The following NAV2 variants were observed in gnomAD, a reference collection of about 807,000 sequenced individuals.
NAV2 encodes neuron navigator 2.
Under a neutral mutation model 223.2 loss-of-function variants are expected in NAV2, and 54 were observed. That is an observed-to-expected ratio of 0.24 (90% CI 0.19 to 0.30). The LOEUF is 0.30. NAV2 is among the 10% of genes least tolerant of loss of function. The pLI, the probability that NAV2 is intolerant of heterozygous loss-of-function variation, is 1.00. For missense variants in NAV2, 2,806 were observed against 3,147.5 expected, an observed-to-expected ratio of 0.89 and a Z score of 2.60; for synonymous variants, 1,279 against 1,239.3, an observed-to-expected ratio of 1.03 and a Z score of -0.67.
chr11:19,691,811 C>T lies in NAV2; in HGVS notation c.76-140673C>T, dbSNP rs141147504. On this transcript the variant is annotated intron_variant, in intron 1 of 37. Transcript: ENST00000360655. ...GCAAAGAAGCCCAAAATCCACCTTACGTCATTCATTTCCTGACCACACTAG... is the reference window on the plus strand; with the variant it reads ...GCAAAGAAGCCCAAAATCCACCTTATGTCATTCATTTCCTGACCACACTAG... Among the ~76,000 whole-genome samples the T allele has an allele frequency of 9.1e-4, 138 of 152,312 alleles. 3 individuals carry two copies. The highest frequency in any genetic ancestry group is 2.7e-3 in the Admixed American group (41 of 15,292).
chr11:19,660,405 G>A (rs922728559), intron 1 of NAV2, among the ~76,000 whole-genome samples: 1 of 152,144 alleles, frequency 6.6e-6, no homozygotes, highest in African/African-American at 2.4e-5. Context: ...GGACATTAGG[G>A]TTCATACGTT....
At chr11:19,958,822 AT>A (rs2048115453) in intron 10 of NAV2, among the ~76,000 whole-genome samples, 5 of 152,188 alleles carry the variant, frequency 3.3e-5, no homozygotes, top group African/African-American at 1.2e-4. Context: ...TCATGTTATT[AT>A]GAGGTTGGTG....
At chr11:19,597,053 A>C (rs2046224547) in intron 1 of NAV2, among the ~76,000 whole-genome samples, 1 of 152,166 alleles carries the variant, frequency 6.6e-6, no homozygotes, top group African/African-American at 2.4e-5. Context: ...ATGTGACTCC[A>C]AGTTTTTCCT....
chr11:19,835,349 ACT>A (rs2060171970), intron 2 of NAV2, among the ~76,000 whole-genome samples: 2 of 152,074 alleles, frequency 1.3e-5, no homozygotes, highest in South Asian at 4.1e-4. Context: ...TCAGCATGTG[ACT>A]CTCTCGCCAG....
At chr11:19,643,983 C>T (rs1182316788) in intron 1 of NAV2, among the ~76,000 whole-genome samples, 2 of 152,178 alleles carry the variant, frequency 1.3e-5, no homozygotes, top group African/African-American at 4.8e-5. Flanking sequence ...TAATCATCTC[C>T]ATGTAGATAA....
intron 1 of NAV2, among the ~76,000 whole-genome samples, chr11:19,823,483 C>T (rs1045927584): frequency 2.6e-5 from 4 of 152,176 alleles, no homozygotes; most frequent in African/African-American, 7.2e-5. Context: ...GTTGGATTTA[C>T]AGGCGTGAGC....
intron 5 of NAV2, among the ~76,000 whole-genome samples, chr11:19,887,683 T>G (rs527506482): frequency 6.6e-6 from 1 of 152,112 alleles, no homozygotes; most frequent in Non-Finnish European, 1.5e-5. Context: ...CTCTAGAAAG[T>G]CCCACAGAAT....
At chr11:19,368,388 G>A (rs1054794839) in intron 1 of NAV2, among the ~76,000 whole-genome samples, 2 of 152,258 alleles carry the variant, frequency 1.3e-5, no homozygotes, top group South Asian at 2.1e-4. Flanking sequence ...GTGAAGTGAG[G>A]AAAACTGATG....
intron 10 of NAV2, among the ~76,000 whole-genome samples, chr11:19,964,716 G>A (rs1401074711): frequency 1.3e-5 from 2 of 150,486 alleles, no homozygotes; most frequent in African/African-American, 4.9e-5. Context: ...GTCCAGGCTG[G>A]TCTCAAACTC....
At chr11:19,606,928 C>A (rs1418504929) in intron 1 of NAV2, among the ~76,000 whole-genome samples, 1 of 152,206 alleles carries the variant, frequency 6.6e-6, no homozygotes, top group Admixed American at 6.5e-5. Flanking sequence ...TCACAATCTG[C>A]ATTTTAACAG....
At chr11:19,856,223 G>A (rs887732200) in intron 3 of NAV2, among the ~76,000 whole-genome samples, 1 of 152,206 alleles carries the variant, frequency 6.6e-6, no homozygotes, top group Non-Finnish European at 1.5e-5. Context: ...GGGATGTCCT[G>A]TAATGGAATC....
At chr11:20,080,018 AG>A in intron 24 of NAV2, 45 bp from the exon 25 acceptor site, 1 of 1,602,718 alleles carries the variant, frequency 6.2e-7, no homozygotes, top group Non-Finnish European at 8.5e-7. Flanking sequence ...GATAAAGAAT[AG>A]GGCTCAGGTT....
intron 1 of NAV2, among the ~76,000 whole-genome samples, chr11:19,549,509 A>G (rs557200991): frequency 1.4e-3 from 208 of 152,316 alleles, no homozygotes; most frequent in African/African-American, 4.9e-3. Context: ...GAGATAGTAG[A>G]TGCCCCTGAC....
chr11:19,669,622 C>T (rs1269257220), intron 1 of NAV2, among the ~76,000 whole-genome samples: 3 of 152,236 alleles, frequency 2.0e-5, no homozygotes, highest in Non-Finnish European at 2.9e-5. Flanking sequence ...CCTCTCCTTC[C>T]ACCGCCAGTG....
intron 12 of NAV2, among the ~76,000 whole-genome samples, chr11:20,042,968 G>T (rs1348678049): frequency 6.6e-6 from 1 of 152,152 alleles, no homozygotes. Context: ...TTTATGGCCA[G>T]CAGGTCAGGG....
In NAV2 at chr11:19,892,600, T is replaced by C; in HGVS notation, c.931+6T>C. On this transcript the variant is annotated splice_donor_region_variant and intron_variant, in intron 6 of 37. Transcript: ENST00000349880. ...GCCAAGCAGCCACGAGAAAGGTGAG[T>C]CACCTTCTTGAGGAGCCTTTTTGGT... 1 of 1,612,564 alleles carries C rather than the reference T, an allele frequency of 6.2e-7. No homozygotes were observed. The highest frequency in any genetic ancestry group is 8.5e-7 in the Non-Finnish European group (1 of 1,179,312).
intron 1 of NAV2, among the ~76,000 whole-genome samples, chr11:19,758,583 C>T (rs1219197492): frequency 6.6e-6 from 1 of 152,150 alleles, no homozygotes; most frequent in Non-Finnish European, 1.5e-5. Flanking sequence ...CAAGGACAGG[C>T]CCAGGTGACT....
At chr11:19,629,754 C>T (rs1335215665) in intron 1 of NAV2, among the ~76,000 whole-genome samples, 1 of 152,012 alleles carries the variant, frequency 6.6e-6, no homozygotes, top group African/African-American at 2.4e-5. Flanking sequence ...CTGAATGGGC[C>T]TCAGTTTTGA....
intron 37 of NAV2, among the ~76,000 whole-genome samples, chr11:20,115,718 G>C (rs2063030913): frequency 6.7e-6 from 1 of 148,600 alleles, no homozygotes; most frequent in Non-Finnish European, 1.5e-5. Context: ...GGCAGTTACA[G>C]CCTGGGCAAC....
Sources: gnomAD v4.1 joint callset for allele counts (sites outside exome capture counted in the v4.1 genomes callset) on GRCh38, gnomAD v4.1.1 for gene constraint, MANE v1.5 for transcripts, NCBI Gene and HGNC (gene_info 2026-07-23, HGNC 2026-07-21) for gene names.